The following FREM2 variants were observed in gnomAD, a reference collection of about 807,000 sequenced individuals.
The protein encoded by FREM2 is FRAS1-related extracellular matrix protein 2.
Under a neutral mutation model 219.9 loss-of-function variants are expected in FREM2, and 119 were observed. The observed-to-expected ratio is 0.54, with a 90% CI of 0.47 to 0.63. FREM2 has a LOEUF of 0.63. Ranked by LOEUF, FREM2 falls within the 30% of genes least tolerant of loss-of-function variation. The probability of loss-of-function intolerance (pLI) is 0.00; values close to 1 mark genes in which losing one functional copy is unlikely to be tolerated. For missense variants in FREM2, 4,030 were observed against 3,993.6 expected (o/e 1.01, Z -0.25); for synonymous variants, 1,562 against 1,522.8 (o/e 1.03, Z -0.60).
chr13:38,758,444 T>G (rs1294002459), intron 2 of FREM2, among the ~76,000 whole-genome samples: 1 of 152,202 alleles, frequency 6.6e-6, no homozygotes, highest in Non-Finnish European at 1.5e-5. Flanking sequence ...CTCACTCTTG[T>G]GAACTCCCAC....
chr13:38,725,980 C>A (rs1360011542), intron 2 of FREM2, among the ~76,000 whole-genome samples: 1 of 152,134 alleles, frequency 6.6e-6, no homozygotes, highest in African/African-American at 2.4e-5. Context: ...TTTTATTATT[C>A]TTCAGGTATC....
chr13:38,688,243 G>T lies in FREM2; in HGVS notation c.899G>T (p.Arg300Leu). ...GAPVGSPALK[R>L]EHFQVLVRIR... ...CCTGTGGGCAGCCCTGCTTTGAAAC[G>T]CGAGCACTTCCAGGTTCTGGTGAGG... Residue 300 changes from arginine to leucine, a missense_variant, in exon 1 of 24, where the codon CGC (arginine) becomes CTC (leucine). Physicochemically the swap from Arg to Leu is moderately radical, Grantham distance 102. Transcript: ENST00000280481. 1 of 1,613,854 alleles carries T rather than the reference G, an allele frequency of 6.2e-7. No individual in the cohort carries two copies. Among genetic ancestry groups the T allele is most frequent in the Non-Finnish European group, 8.5e-7 (1 of 1,179,954 alleles).
chr13:38,739,980 A>G (rs996234036), intron 2 of FREM2, among the ~76,000 whole-genome samples: 11 of 152,206 alleles, frequency 7.2e-5, no homozygotes, highest in Non-Finnish European at 1.6e-4. Flanking sequence ...CTAGCAAAAT[A>G]ATTATCCTTC....
In FREM2 at chr13:38,882,069, AT is replaced by A. The variant is rs1289230787; in HGVS notation, c.*1285del. On this transcript the variant is annotated 3_prime_UTR_variant, in exon 24 of 24. Coordinates refer to ENST00000280481, the MANE Select transcript of FREM2 (RefSeq NM_207361.6). ...GTCCCTCTCAATATTTAAAAATATA[AT>A]TTGTAACAGTGCTTACCATTCACCT... The A allele has an allele frequency of 2.0e-5, 3 of 152,146 alleles. No individual in the cohort carries two copies. Among genetic ancestry groups the A allele is most frequent in the African/African-American group, 7.2e-5 (3 of 41,428 alleles). The allele number at this position is 152,146 out of a possible 1,614,324, so 9.4% of individuals were successfully genotyped here.
rs1389034812 is a variant in FREM2 at position 38,688,828 on chromosome 13, T to G, written c.1484T>G (p.Leu495Arg). 1 of 1,614,026 alleles carries G rather than the reference T, an allele frequency of 6.2e-7. No individual in the cohort carries two copies. The highest frequency in any genetic ancestry group is 1.1e-5 in the South Asian group (1 of 91,086). ...AGLRHGHLVI[L>R]GASSGSSAPK... ...CTCCGGCATGGTCACCTTGTCATTC[T>G]GGGTGCTTCCAGTGGCAGCTCTGCT... The change falls in exon 1 of 24, where the codon CTG becomes CGG. Residue 495 changes from leucine to arginine, a missense_variant. By Grantham distance (102) the Leu-to-Arg change is moderately radical. Around this residue, in one of 2 missense-constraint regions of FREM2, gnomAD observed 3,102 missense variants for 2,950.7 expected, o/e 1.05. Coordinates refer to ENST00000280481, the MANE Select transcript of FREM2 (RefSeq NM_207361.6).
intron 6 of FREM2, among the ~76,000 whole-genome samples, chr13:38,809,986 G>A (rs1359779584): frequency 6.6e-6 from 1 of 151,678 alleles, no homozygotes; most frequent in Non-Finnish European, 1.5e-5. Flanking sequence ...CCATTTTTGT[G>A]TCCTCAATTT....
At chr13:38,734,258 G>A (rs574565152) in intron 2 of FREM2, among the ~76,000 whole-genome samples, 34 of 151,976 alleles carry the variant, frequency 2.2e-4, no homozygotes, top group African/African-American at 8.0e-4. Flanking sequence ...TTCCTCCCCC[G>A]CAAAAATCAC....
At chr13:38,755,199 C>T (rs1022736758) in intron 2 of FREM2, among the ~76,000 whole-genome samples, 3 of 152,026 alleles carry the variant, frequency 2.0e-5, no homozygotes, top group Admixed American at 1.3e-4. Context: ...CCATGCCCGG[C>T]CAGTCAAGAT....
At chr13:38,739,346 G>A (rs1872139662) in intron 2 of FREM2, among the ~76,000 whole-genome samples, 1 of 152,122 alleles carries the variant, frequency 6.6e-6, no homozygotes, top group African/African-American at 2.4e-5. Context: ...TAATGGGACA[G>A]GGAGACCTAC....
At chr13:38,775,044 T>C (rs1873815530) in intron 4 of FREM2, among the ~76,000 whole-genome samples, 1 of 152,156 alleles carries the variant, frequency 6.6e-6, no homozygotes, top group South Asian at 2.1e-4. Context: ...ATAAACACAT[T>C]ATTTTAAAGG....
chr13:38,865,609 A>C (rs907894750), intron 16 of FREM2, among the ~76,000 whole-genome samples: 1 of 152,210 alleles, frequency 6.6e-6, no homozygotes, highest in Non-Finnish European at 1.5e-5. Flanking sequence ...CTAGTATGAG[A>C]TAATCCCACA....
In FREM2 at chr13:38,861,856, C is replaced by T. The variant is rs73466037; in HGVS notation, c.7651+294C>T. Among the ~76,000 whole-genome samples the T allele has an allele frequency of 1.0e-2, 1,521 of 152,300 alleles. 23 individuals are homozygous for T. Among genetic ancestry groups the T allele is most frequent in the African/African-American group, 0.035 (1,447 of 41,566 alleles). On this transcript the variant is annotated intron_variant, in intron 15 of 23. Transcript: ENST00000280481. ...GAAAGAGTACAAATGCATCTTCAAT[C>T]GTAAACTTGAAGTTACAGTAAAGTA...
chr13:38,739,962 T>G (rs1204212468), intron 2 of FREM2, among the ~76,000 whole-genome samples: 2 of 152,226 alleles, frequency 1.3e-5, no homozygotes, highest in Admixed American at 1.3e-4. Flanking sequence ...CAGCACTGCC[T>G]ACTGATGCTA....
intron 2 of FREM2, among the ~76,000 whole-genome samples, chr13:38,717,466 G>T (rs1429231148): frequency 6.9e-6 from 1 of 144,696 alleles, no homozygotes; most frequent in Non-Finnish European, 1.5e-5. Context: ...GCCCAGGCTG[G>T]AGTGCAGTGG....
At chr13:38,716,623 T>A (rs1427475847) in intron 2 of FREM2, among the ~76,000 whole-genome samples, 1 of 152,072 alleles carries the variant, frequency 6.6e-6, no homozygotes, top group Non-Finnish European at 1.5e-5. Flanking sequence ...GTCTCCTCCC[T>A]CAACCTCCCA....
rs1877565117 is a variant in FREM2 at position 38,856,491 on chromosome 13, G to A, written c.7056+235G>A. Among the ~76,000 whole-genome samples, 4 of 152,226 alleles carry A rather than the reference G, an allele frequency of 2.6e-5. No homozygotes were observed. In the South Asian group the frequency reaches 8.3e-4, roughly 32 times the overall value. On this transcript the variant is annotated intron_variant, in intron 12 of 23. Coordinates refer to ENST00000280481, the MANE Select transcript of FREM2 (RefSeq NM_207361.6). The stretch of plus-strand genomic sequence containing the variant: ...TGTTTGTCGAAACTCAAGGACTGAA[G>A]CCACTGAGCCCCAAACCTGTGCACT...
At chr13:38,752,448 T>C (rs577775494) in intron 2 of FREM2, among the ~76,000 whole-genome samples, 26 of 152,284 alleles carry the variant, frequency 1.7e-4, no homozygotes, top group Non-Finnish European at 2.5e-4. Flanking sequence ...TTCAGGAAGT[T>C]CCTATTTCTA....
chr13:38,781,922 G>T (rs1022598783), intron 4 of FREM2, among the ~76,000 whole-genome samples: 1 of 152,160 alleles, frequency 6.6e-6, no homozygotes, highest in African/African-American at 2.4e-5. Context: ...TGGAGGGTGT[G>T]CAGCCAGCTC....
chr13:38,690,169 T>C lies in FREM2; in HGVS notation c.2825T>C (p.Ile942Thr). The change falls in exon 1 of 24, where the codon ATA (isoleucine) becomes ACA (threonine). Residue 942 changes from isoleucine to threonine, a missense_variant. Ile to Thr is a moderately conservative substitution (Grantham distance 89). Around this residue, in one of 2 missense-constraint regions of FREM2, gnomAD observed 3,102 missense variants for 2,950.7 expected, o/e 1.05. Coordinates refer to ENST00000280481, the MANE Select transcript of FREM2 (RefSeq NM_207361.6). Reference protein sequence around the residue: ...NVRPVDDEVPILSHPTGTLES... With the variant: ...NVRPVDDEVPTLSHPTGTLES... The stretch of plus-strand genomic sequence containing the variant: ...CGGCCAGTGGATGATGAAGTGCCCA[T>C]ACTGAGCCATCCTACTGGCACTCTG... 6.2e-7 allele frequency: 1 copy of C among 1,614,126 alleles called. No homozygotes were observed. The highest frequency in any genetic ancestry group is 8.5e-7 in the Non-Finnish European group (1 of 1,179,984).
Sources: gnomAD v4.1 joint callset for allele counts (sites outside exome capture counted in the v4.1 genomes callset) on GRCh38, gnomAD v4.1.1 for gene constraint, gnomAD v4.1.1 regional missense constraint, MANE v1.5 for transcripts, NCBI Gene and HGNC (gene_info 2026-07-23, HGNC 2026-07-21) for gene names.